Variants in EPB41L4A observed in about 807,000 individuals in gnomAD.
EPB41L4A encodes the protein band 4.1-like protein 4A.
A neutral mutation model predicts 108.6 loss-of-function variants in EPB41L4A; 100 were observed. That is an observed-to-expected ratio of 0.92 (90% CI 0.78 to 1.09). EPB41L4A has a LOEUF of 1.09. Ranked by LOEUF, EPB41L4A falls within the 50% of genes least tolerant of loss-of-function variation. The pLI is 0.00. For synonymous variants in EPB41L4A, 319 were observed against 289.0 expected, an observed-to-expected ratio of 1.10 and a Z score of -1.05; for missense variants, 1,030 against 842.7, an observed-to-expected ratio of 1.22 and a Z score of -2.75.
chr5:112,148,362 A>T (rs932331401), intron 12 of EPB41L4A, among the ~76,000 whole-genome samples: 5 of 151,502 alleles, frequency 3.3e-5, no homozygotes, highest in Admixed American at 6.6e-5. Flanking sequence ...TGAATATTTT[A>T]AAATTAGGGT....
chr5:112,325,717 G>A (rs888151052), intron 1 of EPB41L4A, among the ~76,000 whole-genome samples: 4 of 152,170 alleles, frequency 2.6e-5, no homozygotes, highest in Admixed American at 6.5e-5. Context: ...AGTTGGGGAC[G>A]TAGGTTTCAT....
At chr5:112,347,179 C>T (rs745332744) in intron 1 of EPB41L4A, among the ~76,000 whole-genome samples, 110 of 152,304 alleles carry the variant, frequency 7.2e-4, no homozygotes, top group Middle Eastern at 6.8e-3. Flanking sequence ...GATGGATGCA[C>T]GCACACACAC....
chr5:112,146,716 G>A (rs1405012338), intron 12 of EPB41L4A, among the ~76,000 whole-genome samples: 1 of 152,124 alleles, frequency 6.6e-6, no homozygotes, highest in Admixed American at 6.5e-5. Flanking sequence ...CAGAAGAAAG[G>A]TCTATTAATA....
chr5:112,385,686 T>A (rs1169350403), intron 1 of EPB41L4A, among the ~76,000 whole-genome samples: 2 of 152,244 alleles, frequency 1.3e-5, no homozygotes, highest in South Asian at 2.1e-4. Context: ...TAAGAGAGAC[T>A]CCAATAGACC....
At chr5:112,205,608 G>T in intron 13 of EPB41L4A, 104 bp from the exon 14 acceptor site, 3 of 871,120 alleles carry the variant, frequency 3.4e-6, no homozygotes, top group Admixed American at 2.3e-5. Flanking sequence ...GTTAAGATGT[G>T]CACACTTATT....
At chr5:112,318,421 G>A (rs1007988299) in intron 1 of EPB41L4A, among the ~76,000 whole-genome samples, 2 of 152,200 alleles carry the variant, frequency 1.3e-5, no homozygotes, top group African/African-American at 4.8e-5. Context: ...CACCATGAAA[G>A]AAGTCTAACT....
chr5:112,401,597 TCTA>T (rs1476858863), intron 1 of EPB41L4A, among the ~76,000 whole-genome samples: 1 of 152,216 alleles, frequency 6.6e-6, no homozygotes, highest in Non-Finnish European at 1.5e-5. Flanking sequence ...AAGTATAAAA[TCTA>T]CTGGTAAGTA....
chr5:112,353,940 G>C (rs1474361), intron 1 of EPB41L4A, among the ~76,000 whole-genome samples: 67,020 of 152,034 alleles, frequency 0.44, 15,977 homozygotes, highest in South Asian at 0.6. Context: ...AGCCCCCAGT[G>C]ATGTACACGG....
intron 9 of EPB41L4A, among the ~76,000 whole-genome samples, chr5:112,256,232 A>C (rs539570086): frequency 9.3e-4 from 142 of 152,302 alleles, no homozygotes; most frequent in African/African-American, 3.2e-3. Context: ...CTAGTAAAAA[A>C]CACGTATTCC....
chr5:112,164,457 T>A lies in EPB41L4A; in HGVS notation c.*533A>T, dbSNP rs561045894. 2 of 152,376 alleles carry A rather than the reference T, an allele frequency of 1.3e-5. No individual in the cohort carries two copies. The highest frequency in any genetic ancestry group is 6.5e-5 in the Admixed American group (1 of 15,308). 9.4% of individuals were successfully genotyped at this position (152,376 alleles called of 1,614,324 possible). The stretch of plus-strand genomic sequence containing the variant: ...CAGACACAAGATAGAAATGAATGAT[T>A]GCTATCCTGTTCCAGAAATGAAAAT... On this transcript the variant is annotated 3_prime_UTR_variant, in exon 23 of 23. Transcript: ENST00000261486.
At chr5:112,306,016 C>A (rs960551921) in intron 2 of EPB41L4A, among the ~76,000 whole-genome samples, 3 of 152,124 alleles carry the variant, frequency 2.0e-5, no homozygotes, top group African/African-American at 7.2e-5. Flanking sequence ...TAGCTTTTCA[C>A]ATTTTTCCTT....
intron 15 of EPB41L4A, among the ~76,000 whole-genome samples, chr5:112,201,521 T>C (rs1762218754): frequency 2.0e-5 from 3 of 152,224 alleles, no homozygotes; most frequent in Admixed American, 1.3e-4. Context: ...TTTTCAAATG[T>C]ATTAAAATGA....
At chr5:112,349,159 C>A (rs1271765713) in intron 1 of EPB41L4A, among the ~76,000 whole-genome samples, 1 of 152,004 alleles carries the variant, frequency 6.6e-6, no homozygotes, top group East Asian at 1.9e-4. Context: ...GGTGTGAGTG[C>A]CAGACAGAAA....
intron 4 of EPB41L4A, among the ~76,000 whole-genome samples, chr5:112,271,180 G>C (rs910697138): frequency 6.6e-6 from 1 of 152,174 alleles, no homozygotes; most frequent in Non-Finnish European, 1.5e-5. Context: ...AGAAATGCAG[G>C]CTAGAGGGGA....
At chr5:112,224,018 C>T (rs1468273272) in intron 12 of EPB41L4A, among the ~76,000 whole-genome samples, 1 of 152,204 alleles carries the variant, frequency 6.6e-6, no homozygotes, top group Non-Finnish European at 1.5e-5. Flanking sequence ...GTGGCGCGAT[C>T]TCGGCTCATT....
intron 1 of EPB41L4A, among the ~76,000 whole-genome samples, chr5:112,360,485 G>A (rs1364171233): frequency 6.6e-6 from 1 of 152,208 alleles, no homozygotes; most frequent in African/African-American, 2.4e-5. Context: ...ATGTTGGCCG[G>A]GCTGGTCTCC....
intron 1 of EPB41L4A, among the ~76,000 whole-genome samples, chr5:112,382,429 A>AGG (rs1760232718): frequency 6.6e-6 from 1 of 152,234 alleles, no homozygotes; most frequent in African/African-American, 2.4e-5. Context: ...CCCAGAGTGG[A>AGG]GGCTCACATC....
chr5:112,143,728 A>G (rs577408120), exon 14 of EPB41L4A: 4 of 323,202 alleles, frequency 1.2e-5, no homozygotes, highest in African/African-American at 8.7e-5. Flanking sequence ...ATTGACTCCA[A>G]TATAGAAAAG....
At chr5:112,149,418 G>A (rs1759381893) in intron 12 of EPB41L4A, among the ~76,000 whole-genome samples, 2 of 152,220 alleles carry the variant, frequency 1.3e-5, no homozygotes, top group Admixed American at 6.5e-5. Context: ...GTTACAGTGA[G>A]CTGAGATCGC....
Sources: gnomAD v4.1 joint callset for allele counts (sites outside exome capture counted in the v4.1 genomes callset) on GRCh38, gnomAD v4.1.1 for gene constraint, MANE v1.5 for transcripts, NCBI Gene and HGNC (gene_info 2026-07-23, HGNC 2026-07-21) for gene names.